The following PIEZO2 variants were observed in gnomAD, a reference collection of about 807,000 sequenced individuals.
The protein encoded by PIEZO2 is piezo-type mechanosensitive ion channel component 2.
Under a neutral mutation model 337.3 loss-of-function variants are expected in PIEZO2, and 172 were observed. The observed-to-expected ratio is 0.51, with a 90% CI of 0.45 to 0.58. The LOEUF is 0.58. PIEZO2 is among the 20% of genes least tolerant of loss of function. PIEZO2 has a pLI of 0.00. For synonymous variants in PIEZO2, 1,251 were observed against 1,228.5 expected (o/e 1.02, Z -0.38); for missense variants, 3,028 against 3,391.3 (o/e 0.89, Z 2.66).
chr18:10,812,820 A>G (rs1223218084), intron 7 of PIEZO2, among the ~76,000 whole-genome samples: 3 of 151,886 alleles, frequency 2.0e-5, no homozygotes, highest in African/African-American at 7.3e-5. Context: ...GATTTATAAA[A>G]CCTCCACCTG....
At chr18:10,884,686 A>C (rs1210382245) in intron 4 of PIEZO2, among the ~76,000 whole-genome samples, 1 of 152,228 alleles carries the variant, frequency 6.6e-6, no homozygotes, top group Non-Finnish European at 1.5e-5. Context: ...AGTGCATCAC[A>C]TCAGATGTCC....
rs145436946 is a variant in PIEZO2 at position 11,110,370 on chromosome 18, T to C, written c.64+38155A>G. On this transcript the variant is annotated intron_variant, in intron 1 of 55. Transcript: ENST00000674853. The surrounding 1 kb of genome is among the most constrained non-coding windows in gnomAD (Gnocchi z 4.2). ...AATATCGTTTTATTTAAGAAGACAG[T>C]AGAAAGATCATCCCACCCTGGGAGT... Among the ~76,000 whole-genome samples, 17 of 152,354 alleles carry C rather than the reference T, an allele frequency of 1.1e-4. No individual in the cohort carries two copies. Among genetic ancestry groups the C allele is most frequent in the Non-Finnish European group, 2.4e-4 (16 of 68,028 alleles).
chr18:11,082,564 G>A (rs1169248089), intron 1 of PIEZO2, among the ~76,000 whole-genome samples: 1 of 152,164 alleles, frequency 6.6e-6, no homozygotes, highest in Non-Finnish European at 1.5e-5. Context: ...TGATCTGCCT[G>A]CCTTGGCCTC....
At chr18:10,806,984 T>C in intron 8 of PIEZO2, 128 bp downstream of exon 8, 1 of 966,092 alleles carries the variant, frequency 1.0e-6, no homozygotes. Context: ...TAAAACATCA[T>C]ACCCAGAACA....
rs770973200 is a variant in PIEZO2, at chr18:10,856,537, G to A, written c.703+464C>T. On this transcript the variant is annotated intron_variant, in intron 6 of 55. Transcript: ENST00000674853. This position sits in a 1 kb window ranked among gnomAD's most constrained non-coding sequence, Gnocchi z 4.7. ...TTTAAAGGAAGTGAGCGTCTGTGCT[G>A]GAAGATTACAATCTAACTTAGGAAG... Among the ~76,000 whole-genome samples, 7 of 152,168 alleles carry A rather than the reference G, an allele frequency of 4.6e-5. No individual in the cohort carries two copies. Among genetic ancestry groups the A allele is most frequent in the Non-Finnish European group, 1.0e-4 (7 of 68,038 alleles).
At chr18:11,063,971 G>A (rs1014022870) in intron 2 of PIEZO2, among the ~76,000 whole-genome samples, 38 of 151,728 alleles carry the variant, frequency 2.5e-4, no homozygotes, top group African/African-American at 9.2e-4. Context: ...GGCCACATTG[G>A]AAGAAGAAGA....
intron 7 of PIEZO2, among the ~76,000 whole-genome samples, chr18:10,848,666 C>CTG (rs2041441094): frequency 6.6e-6 from 1 of 152,190 alleles, no homozygotes; most frequent in African/African-American, 2.4e-5. Context: ...AGTCCGACCC[C>CTG]TGCAGTGACT....
At chr18:10,866,040 T>C (rs577561496) in intron 5 of PIEZO2, among the ~76,000 whole-genome samples, 102 of 152,294 alleles carry the variant, frequency 6.7e-4, no homozygotes, top group African/African-American at 2.3e-3. Context: ...GAAAGGCGTT[T>C]TTGGAGCTTT....
intron 3 of PIEZO2, among the ~76,000 whole-genome samples, chr18:10,917,621 A>G (rs563851177): frequency 3.3e-5 from 5 of 152,288 alleles, no homozygotes; most frequent in African/African-American, 1.2e-4. Flanking sequence ...ATTTAATTCA[A>G]CAGTTTTTCA....
rs2035553341 is a variant in PIEZO2 at position 10,705,686 on chromosome 18, C to T, written c.5649G>A (p.Glu1883=). The change falls in exon 41 of 56, where the codon GAG becomes GAA. Residue 1883 remains glutamate (E), a synonymous_variant. Coordinates refer to ENST00000674853, the MANE Select transcript of PIEZO2 (RefSeq NM_001378183.1). ...CCTCCTCCTCCTGCTCAGCCTCCAC[C>T]TCCTCGATGGTCTCAGTGGTCCCCT... ...SRQGTTETIE[E]VEAEQEEEAG... is the part of the protein sequence containing the mutation. 2 of 1,536,974 alleles carry T rather than the reference C, an allele frequency of 1.3e-6. No homozygotes were observed. Among genetic ancestry groups the T allele is most frequent in the South Asian group, 2.4e-5 (2 of 84,020 alleles).
Position 11,015,096 on chromosome 18 carries a change from C to T in PIEZO2, c.161-35436G>A, listed in dbSNP as rs147269308. On this transcript the variant is annotated intron_variant, in intron 2 of 55. Transcript: ENST00000674853. The stretch of plus-strand genomic sequence containing the variant: ...TGTCACCCTGGGCGGGACAGCGATC[C>T]GGGGCCCCCCTCATTCCTCAGCGGG... 5.1e-3 allele frequency among the ~76,000 whole-genome samples: 645 copies of T among 125,268 alleles called. 22 individuals are homozygous for T. The highest frequency in any genetic ancestry group is 0.022 in the African/African-American group (596 of 26,924). The allele number at this position is 125,268 out of a possible 152,430, so 82.2% of individuals were successfully genotyped here.
At position 11,148,663 on chromosome 18, in the gene PIEZO2, G is replaced by A. The variant is rs966780381; in HGVS notation, c.-75C>T. 16 of 1,462,546 alleles carry A rather than the reference G, an allele frequency of 1.1e-5. No homozygotes were observed. The highest frequency in any genetic ancestry group is 1.4e-5 in the African/African-American group (1 of 71,244). 90.6% of individuals were successfully genotyped at this position (1,462,546 alleles called of 1,614,324 possible). A position where few individuals can be genotyped will look rare whatever the true frequency, so the allele number is the denominator to read the frequency against. Reference sequence around the variant, plus strand: ...AGGGGTGGTGGGACGCAAGGCCCATGCCCGTCTATGGCCTCTCGCCGCCGG... The same window carrying A: ...AGGGGTGGTGGGACGCAAGGCCCATACCCGTCTATGGCCTCTCGCCGCCGG... On this transcript the variant is annotated 5_prime_UTR_variant, in exon 1 of 56. Transcript: ENST00000674853. This position sits in a 1 kb window ranked among gnomAD's most constrained non-coding sequence, Gnocchi z 5.2.
At chr18:11,085,921 T>C (rs1005683899) in intron 1 of PIEZO2, among the ~76,000 whole-genome samples, 4 of 151,398 alleles carry the variant, frequency 2.6e-5, no homozygotes, top group African/African-American at 9.7e-5. Context: ...GAAACCCTAA[T>C]GGTACATGTG....
chr18:11,144,880 G>A (rs1172793995), intron 1 of PIEZO2, among the ~76,000 whole-genome samples: 1 of 152,090 alleles, frequency 6.6e-6, no homozygotes, highest in Non-Finnish European at 1.5e-5. Flanking sequence ...AAGACATTAG[G>A]GAACTCCAGG....
intron 4 of PIEZO2, among the ~76,000 whole-genome samples, chr18:10,889,686 G>A (rs1598636561): frequency 6.6e-6 from 1 of 152,308 alleles, no homozygotes; most frequent in East Asian, 1.9e-4. Context: ...TACAGGTGAA[G>A]CAGGACAACT....
chr18:10,730,550 A>T (rs1346879778), intron 36 of PIEZO2, among the ~76,000 whole-genome samples: 1 of 151,790 alleles, frequency 6.6e-6, no homozygotes, highest in Non-Finnish European at 1.5e-5. Context: ...TTCGCTTTTG[A>T]TTTTTTTATT....
chr18:10,684,337 T>TG (rs1226370557), intron 49 of PIEZO2, among the ~76,000 whole-genome samples: 25 of 148,260 alleles, frequency 1.7e-4, no homozygotes, highest in Non-Finnish European at 1.0e-4. Context: ...GGCTAATTTT[T>TG]TGTATTTTTA....
Position 10,763,069 on chromosome 18 carries a change from A to T in PIEZO2, c.2976T>A (p.Ile992=), listed in dbSNP as rs1252274303. 2 of 1,537,232 alleles carry T rather than the reference A, an allele frequency of 1.3e-6. No homozygotes were observed. Among genetic ancestry groups the T allele is most frequent in the East Asian group, 4.9e-5 (2 of 40,928 alleles). ...CGTACGGCAGAGCAAAAGCCCAAGAAATCAAAAATACATAGTTGAACAGAG... is the reference window on the plus strand; with the variant it reads ...CGTACGGCAGAGCAAAAGCCCAAGATATCAAAAATACATAGTTGAACAGAG... ...EVSLFNYVFL[I]SWAFALPYAK... The change falls in exon 22 of 56, where the codon ATT becomes ATA. Residue 992 remains isoleucine (I), a synonymous_variant. Coordinates refer to ENST00000674853, the MANE Select transcript of PIEZO2 (RefSeq NM_001378183.1).
chr18:10,997,178 A>G (rs1162232841), intron 2 of PIEZO2, among the ~76,000 whole-genome samples: 1 of 151,898 alleles, frequency 6.6e-6, no homozygotes, highest in Non-Finnish European at 1.5e-5. Flanking sequence ...CTGAACTGAC[A>G]TTGGAACCAC....
Sources: allele counts gnomAD v4.1 joint callset (sites outside exome capture counted in the v4.1 genomes callset), GRCh38; gene constraint gnomAD v4.1.1; non-coding constraint Gnocchi (gnomAD v3.1); transcripts MANE v1.5; gene names NCBI Gene and HGNC (gene_info 2026-07-23, HGNC 2026-07-21).